The following OGDHL variants were observed in gnomAD, a reference collection of about 807,000 sequenced individuals.
The protein encoded by OGDHL is oxoglutarate dehydrogenase L.
OGDHL carries 79 observed loss-of-function variants against 109.6 expected under a neutral mutation model. The observed-to-expected ratio is 0.72, with a 90% CI of 0.60 to 0.87. The LOEUF (loss-of-function observed/expected upper bound fraction) is 0.87, where lower values mean the gene tolerates loss of function less well. Among genes scored for constraint, OGDHL ranks in the 40% least tolerant of loss-of-function variants. The pLI is 0.00. For synonymous variants in OGDHL, 528 were observed against 537.2 expected (o/e 0.98, Z 0.24); for missense variants, 1,275 against 1,362.2 (o/e 0.94, Z 1.01).
At position 49,737,768 on chromosome 10, in the gene OGDHL, C is replaced by T. The variant is rs200418255; in HGVS notation, c.2590+18G>A. 1.2e-5 allele frequency: 19 copies of T among 1,614,070 alleles called. No individual in the cohort carries two copies. In the East Asian group the frequency reaches 3.8e-4, roughly 32 times the overall value. On this transcript the variant is annotated intron_variant, in intron 20 of 22. Transcript: ENST00000374103. ...GCCCCATTGTGGGCTACCCCACACACCCAGGCCAGGCACGTACCGGATACC... is the reference window on the plus strand; with the variant it reads ...GCCCCATTGTGGGCTACCCCACACATCCAGGCCAGGCACGTACCGGATACC...
chr10:49,739,470 T>C (rs753163236), intron 17 of OGDHL, 191 bp downstream of exon 17: 2 of 612,854 alleles, frequency 3.3e-6, no homozygotes, highest in Non-Finnish European at 5.4e-6. Context: ...CGCCTTCTGC[T>C]GCCAGGGGTA....
Position 49,735,406 on chromosome 10 carries a change from G to A in OGDHL, c.2910-55C>T, listed in dbSNP as rs538821299. 2.6e-5 allele frequency: 42 copies of A among 1,588,210 alleles called. 1 individual carries two copies. Among genetic ancestry groups the A allele is most frequent in the African/African-American group, 5.4e-5 (4 of 74,484 alleles). ...GGCGGGGCCTAGCCGCCCCCCAACC[G>A]CTGCCCTCACTCCGGGACTGCAGGG... On this transcript the variant is annotated intron_variant, in intron 22 of 22. Transcript: ENST00000374103.
chr10:49,739,728 G>C lies in OGDHL; in HGVS notation c.2252C>G (p.Thr751Ser), dbSNP rs1841499023. The C allele has an allele frequency of 5.6e-6, 9 of 1,614,162 alleles. No individual in the cohort carries two copies. In the East Asian group the frequency reaches 2.0e-4, roughly 36 times the overall value. The change falls in exon 17 of 23, where the codon ACC (threonine) becomes AGC (serine). Residue 751 changes from threonine to serine, a missense_variant. Transcript: ENST00000374103. ...ATGCCGCACCCACTTGGCCTGGCCGGTGCTGATGAACTGGTCGATGATGCA... is the reference window on the plus strand; with the variant it reads ...ATGCCGCACCCACTTGGCCTGGCCGCTGCTGATGAACTGGTCGATGATGCA... Reference protein sequence around the residue: ...AQCIIDQFISTGQAKWVRHNG... With the variant: ...AQCIIDQFISSGQAKWVRHNG...
chr10:49,752,120 C>T lies in OGDHL; in HGVS notation c.594+13G>A, dbSNP rs2304635. On this transcript the variant is annotated intron_variant, in intron 5 of 22. Transcript: ENST00000374103. ...CTGCTTCAGCTGCACCCCACACACC[C>T]GCCTGTGCTCACCTCCAGGCGCCGA... 296,091 of 1,612,178 alleles carry T rather than the reference C, an allele frequency of 0.18. 29,404 individuals carry two copies. Among genetic ancestry groups the T allele is most frequent in the African/African-American group, 0.32 (24,045 of 74,912 alleles).
At chr10:49,760,667 C>G (rs1010064400) in intron 1 of OGDHL, among the ~76,000 whole-genome samples, 1 of 152,234 alleles carries the variant, frequency 6.6e-6, no homozygotes, top group Non-Finnish European at 1.5e-5. Flanking sequence ...TTTAATCCTC[C>G]CAACATCCCA....
intron 6 of OGDHL, 95 bp from the exon 7 acceptor site, chr10:49,751,080 A>T: frequency 8.3e-7 from 1 of 1,199,890 alleles, no homozygotes; most frequent in Non-Finnish European, 1.2e-6. Context: ...TCAGAGCTGA[A>T]TGCTGAGGAC....
At chr10:49,741,201 C>CCACTTCCTCCTAGAG (rs1841627306) in intron 15 of OGDHL, among the ~76,000 whole-genome samples, 1 of 152,066 alleles carries the variant, frequency 6.6e-6, no homozygotes, top group East Asian at 1.9e-4. Flanking sequence ...GAGCCAGAGA[C>CCACTTCCTCCTAGAG]CCTAGGAGGC....
chr10:49,737,113 A>G (rs751162849), intron 20 of OGDHL, among the ~76,000 whole-genome samples: 1 of 152,172 alleles, frequency 6.6e-6, no homozygotes, highest in Non-Finnish European at 1.5e-5. Context: ...AATGGATCCC[A>G]GGCCCTCAAG....
rs780838685 is a variant in OGDHL, at chr10:49,750,959, C to G, written c.776G>C (p.Trp259Ser). The G allele has an allele frequency of 3.1e-6, 5 of 1,607,512 alleles. No individual in the cohort carries two copies. In the South Asian group the frequency reaches 4.4e-5, roughly 14 times the overall value. ...MRFEDFLARK[W>S]SSEKRFGLEG... ...CAGGCCAAACCGCTTCTCTGAGGACCATTTCCGGGCCAGGAAGTCTTCAAA... is the reference window on the plus strand; with the variant it reads ...CAGGCCAAACCGCTTCTCTGAGGACGATTTCCGGGCCAGGAAGTCTTCAAA... The change falls in exon 7 of 23, where the codon TGG (tryptophan) becomes TCG (serine). Residue 259 changes from tryptophan (W) to serine (S), a missense_variant. By Grantham distance (177) the Trp-to-Ser change is radical (BLOSUM62 -3). Transcript: ENST00000374103.
chr10:49,745,038 G>A (rs909240103), intron 12 of OGDHL, among the ~76,000 whole-genome samples: 2 of 152,208 alleles, frequency 1.3e-5, no homozygotes, highest in African/African-American at 4.8e-5. Flanking sequence ...GTGGAAGGAC[G>A]AACACTCCAT....
intron 3 of OGDHL, 92 bp downstream of exon 3, chr10:49,756,684 T>C (rs1842935148): frequency 1.6e-6 from 2 of 1,251,650 alleles, no homozygotes; most frequent in South Asian, 1.6e-5. Flanking sequence ...TCTGGGGAGA[T>C]GATGTTGGAG....
intron 10 of OGDHL, 126 bp from the exon 11 acceptor site, chr10:49,746,103 C>T: frequency 9.4e-7 from 1 of 1,060,616 alleles, no homozygotes; most frequent in Non-Finnish European, 1.3e-6. Flanking sequence ...GAATGTGGGA[C>T]ACAACAGGGT....
chr10:49,749,495 G>C (rs1842437073), intron 8 of OGDHL, among the ~76,000 whole-genome samples: 1 of 152,134 alleles, frequency 6.6e-6, no homozygotes, highest in East Asian at 1.9e-4. Context: ...TCAAAACAGG[G>C]AGGTTGACCC....
chr10:49,744,058 G>A lies in OGDHL; in HGVS notation c.1797C>T (p.Asp599=), dbSNP rs1383628810. The A allele has an allele frequency of 1.2e-6, 2 of 1,614,152 alleles. No individual in the cohort carries two copies. Among genetic ancestry groups the A allele is most frequent in the South Asian group, 2.2e-5 (2 of 91,088 alleles). Reference sequence around the variant, plus strand: ...CCACACTGCCGATGTGGGTGAGCATGTCCTCAGGGATCCCCGTGGCTGGGC... The same window carrying A: ...CCACACTGCCGATGTGGGTGAGCATATCCTCAGGGATCCCCGTGGCTGGGC... ...MTCPATGIPE[D]MLTHIGSVAS... Residue 599 remains aspartate, a synonymous_variant, in exon 14 of 23, where the codon GAC becomes GAT. Transcript: ENST00000374103.
intron 20 of OGDHL, among the ~76,000 whole-genome samples, chr10:49,737,088 G>A (rs1162334076): frequency 1.3e-5 from 2 of 152,182 alleles, no homozygotes; most frequent in Non-Finnish European, 2.9e-5. Context: ...TGAAGACTCT[G>A]GGGTAGAGAG....
intron 21 of OGDHL, 78 bp from the exon 22 acceptor site, chr10:49,736,255 G>C: frequency 5.1e-6 from 8 of 1,576,144 alleles, no homozygotes; most frequent in Non-Finnish European, 6.9e-6. Flanking sequence ...GAGGCACAGG[G>C]CCTCACCGGC....
chr10:49,749,827 A>G lies in OGDHL; in HGVS notation c.897-11T>C. On this transcript the variant is annotated splice_polypyrimidine_tract_variant and intron_variant, in intron 7 of 22. Coordinates refer to ENST00000374103, the MANE Select transcript of OGDHL (RefSeq NM_018245.3). ...ACGTTCAGCCTTCCCCTGGAGCCAGAGGGGCCGGGCTCTCACCTGGCAAAG... is the reference window on the plus strand; with the variant it reads ...ACGTTCAGCCTTCCCCTGGAGCCAGGGGGGCCGGGCTCTCACCTGGCAAAG... 6.3e-7 allele frequency: 1 copy of G among 1,581,158 alleles called. No individual in the cohort carries two copies.
chr10:49,755,804 T>G (rs1465553526), intron 3 of OGDHL, among the ~76,000 whole-genome samples: 1 of 152,254 alleles, frequency 6.6e-6, no homozygotes, highest in South Asian at 2.1e-4. Context: ...GGCAGCACCC[T>G]GAACGTTTCC....
At chr10:49,736,212 G>C in intron 21 of OGDHL, 35 bp from the exon 22 acceptor site, 1 of 1,571,648 alleles carries the variant, frequency 6.4e-7, no homozygotes, top group Non-Finnish European at 8.6e-7. Flanking sequence ...ATAGCCAGAG[G>C]AGGGGCGGTA....
Sources: allele counts gnomAD v4.1 joint callset (sites outside exome capture counted in the v4.1 genomes callset), GRCh38; gene constraint gnomAD v4.1.1; transcripts MANE v1.5; gene names NCBI Gene and HGNC (gene_info 2026-07-23, HGNC 2026-07-21).